The following DENND5A variants were observed in gnomAD, a reference collection of about 807,000 sequenced individuals.
DENND5A encodes DENN domain containing 5A.
In DENND5A, 64 loss-of-function variants were observed where a neutral mutation model predicts 140.3. The ratio of observed to expected loss-of-function variants is 0.46; its 90% CI spans 0.37 to 0.56. The LOEUF (loss-of-function observed/expected upper bound fraction) is 0.56, where lower values mean the gene tolerates loss of function less well. Ranked by LOEUF, DENND5A falls within the 20% of genes least tolerant of loss-of-function variation. The pLI is 0.00. For synonymous variants in DENND5A, 605 were observed against 607.7 expected (o/e 1.00, Z 0.07); for missense variants, 1,292 against 1,593.8 (o/e 0.81, Z 3.22).
rs554929225 is a variant in DENND5A, at chr11:9,247,562, GA to G, written c.109+17398del. On this transcript the variant is annotated intron_variant, in intron 1 of 22. Transcript: ENST00000328194. ...AACAAGGAGAGAGACACCTAGTGAA[GA>G]AAAAAAAAAACAAGCTCTAAAATAT... Among the ~76,000 whole-genome samples, 341 of 143,320 alleles carry G rather than the reference GA, an allele frequency of 2.4e-3. 1 individual carries two copies. Among genetic ancestry groups the G allele is most frequent in the Non-Finnish European group, 3.6e-3 (236 of 65,058 alleles). The allele number at this position is 143,320 out of a possible 152,430, so 94.0% of individuals were successfully genotyped here.
At chr11:9,220,410 G>A (rs1850263361) in intron 1 of DENND5A, among the ~76,000 whole-genome samples, 1 of 152,002 alleles carries the variant, frequency 6.6e-6, no homozygotes, top group Non-Finnish European at 1.5e-5. Flanking sequence ...AGCCGGGCGT[G>A]GTGGCACATG....
Position 9,139,088 on chromosome 11 carries a change from C to A in DENND5A, c.*583G>T, listed in dbSNP as rs1161224091. ...CCAACAGGAAATGTGGTATTTGGCACGATGACACATCCCGGCATGTCTCCT... is the reference window on the plus strand; with the variant it reads ...CCAACAGGAAATGTGGTATTTGGCAAGATGACACATCCCGGCATGTCTCCT... On this transcript the variant is annotated 3_prime_UTR_variant, in exon 23 of 23. Coordinates refer to ENST00000328194, the MANE Select transcript of DENND5A (RefSeq NM_015213.4). 2 of 152,626 alleles carry A rather than the reference C, an allele frequency of 1.3e-5. No homozygotes were observed. Among genetic ancestry groups the A allele is most frequent in the Non-Finnish European group, 2.9e-5 (2 of 68,048 alleles). 9.5% of individuals were successfully genotyped at this position (152,626 alleles called of 1,614,324 possible).
At chr11:9,152,757 A>G (rs1847663015) in intron 12 of DENND5A, among the ~76,000 whole-genome samples, 1 of 151,974 alleles carries the variant, frequency 6.6e-6, no homozygotes, top group Admixed American at 6.6e-5. Context: ...TAATCCCAAC[A>G]CTTCAGGAAG....
At chr11:9,241,950 G>T (rs1213078698) in intron 1 of DENND5A, among the ~76,000 whole-genome samples, 1 of 149,858 alleles carries the variant, frequency 6.7e-6, no homozygotes, top group East Asian at 2.0e-4. Context: ...GGAGGTGGAG[G>T]TTGTGGTGAG....
At chr11:9,174,363 CT>C (rs1848481495) in intron 8 of DENND5A, among the ~76,000 whole-genome samples, 1 of 151,652 alleles carries the variant, frequency 6.6e-6, no homozygotes, top group Non-Finnish European at 1.5e-5. Context: ...AATAAATACC[CT>C]TTAAATATAA....
chr11:9,250,502 T>C (rs769770899), intron 1 of DENND5A, among the ~76,000 whole-genome samples: 3 of 152,118 alleles, frequency 2.0e-5, no homozygotes, highest in African/African-American at 4.8e-5. Flanking sequence ...TCAACGATTA[T>C]GCCACTGCTT....
At chr11:9,215,395 A>T (rs1419860052) in intron 1 of DENND5A, among the ~76,000 whole-genome samples, 1 of 152,150 alleles carries the variant, frequency 6.6e-6, no homozygotes, top group African/African-American at 2.4e-5. Context: ...ACTTTTGTTC[A>T]CATTGCCTTC....
intron 15 of DENND5A, 148 bp from the exon 16 acceptor site, chr11:9,147,299 G>C (rs1296906817): frequency 2.5e-6 from 2 of 785,962 alleles, no homozygotes; most frequent in Non-Finnish European, 4.0e-6. Flanking sequence ...AACAAAGCTA[G>C]CTACTCTAAC....
chr11:9,150,658 T>C, intron 14 of DENND5A, 22 bp downstream of exon 14: 3 of 1,571,146 alleles, frequency 1.9e-6, no homozygotes, highest in Non-Finnish European at 2.6e-6. Context: ...TAGTGGCTTA[T>C]TACATGTGAG....
chr11:9,247,929 G>T (rs932483876), intron 1 of DENND5A, among the ~76,000 whole-genome samples: 2 of 152,066 alleles, frequency 1.3e-5, no homozygotes, highest in Non-Finnish European at 2.9e-5. Context: ...TTCCTTCAGG[G>T]TCTGCTATGT....
At chr11:9,152,914 C>T (rs1847669632) in intron 12 of DENND5A, among the ~76,000 whole-genome samples, 1 of 151,582 alleles carries the variant, frequency 6.6e-6, no homozygotes. Context: ...AGGAGAATCA[C>T]TTGAACCCGG....
At chr11:9,238,453 GCT>G (rs1851094430) in intron 1 of DENND5A, among the ~76,000 whole-genome samples, 1 of 150,216 alleles carries the variant, frequency 6.7e-6, no homozygotes, top group Non-Finnish European at 1.5e-5. Flanking sequence ...ATGCAGTCGC[GCT>G]CTGTCACCTA....
intron 1 of DENND5A, among the ~76,000 whole-genome samples, chr11:9,220,847 C>T (rs59618374): frequency 0.041 from 6,114 of 149,698 alleles, 406 homozygotes; most frequent in African/African-American, 0.14. Context: ...AAGCTGAGAT[C>T]GCACCACTGC....
intron 1 of DENND5A, among the ~76,000 whole-genome samples, chr11:9,256,017 C>T (rs1851930512): frequency 7.0e-6 from 1 of 142,878 alleles, no homozygotes. Flanking sequence ...CACGGCGAAA[C>T]TCCATCTCAA....
At chr11:9,143,109 A>C in intron 20 of DENND5A, 1 of 590,238 alleles carries the variant, frequency 1.7e-6, no homozygotes, top group South Asian at 2.2e-5. Context: ...CAGTGTGGCC[A>C]CTATTCAAGG....
chr11:9,259,785 T>C (rs1320026164), intron 1 of DENND5A, among the ~76,000 whole-genome samples: 3 of 152,026 alleles, frequency 2.0e-5, no homozygotes, highest in African/African-American at 4.8e-5. Context: ...TCCCAATACT[T>C]TGGGAGGCCA....
intron 10 of DENND5A, among the ~76,000 whole-genome samples, chr11:9,169,187 C>CTA (rs1848285086): frequency 6.6e-6 from 1 of 152,140 alleles, no homozygotes; most frequent in Non-Finnish European, 1.5e-5. Context: ...TAGCTCACAC[C>CTA]TATAATCCCA....
At chr11:9,222,585 A>G (rs1004623770) in intron 1 of DENND5A, among the ~76,000 whole-genome samples, 28 of 152,218 alleles carry the variant, frequency 1.8e-4, no homozygotes, top group African/African-American at 5.1e-4. Context: ...AAATTAGAGG[A>G]ACTTCAGGTC....
At position 9,181,014 on chromosome 11, in the gene DENND5A, T is replaced by C; in HGVS notation, c.1208A>G (p.Asn403Ser). ...GACTTCCTGGACAAACTCCAATTTG[T>C]TGGGGAACTGTGGCAAGTCCTCTGG... ...ELPEDLPQFP[N>S]KLEFVQEVSE... Residue 403 changes from asparagine (N) to serine (S), a missense_variant, in exon 6 of 23, where the codon AAC (asparagine) becomes AGC (serine). Asn to Ser is a conservative substitution (Grantham distance 46). Coordinates refer to ENST00000328194, the MANE Select transcript of DENND5A (RefSeq NM_015213.4). 2.5e-6 allele frequency: 4 copies of C among 1,614,178 alleles called. No homozygotes were observed. The highest frequency in any genetic ancestry group is 3.4e-6 in the Non-Finnish European group (4 of 1,180,036).
Sources: allele counts gnomAD v4.1 joint callset (sites outside exome capture counted in the v4.1 genomes callset), GRCh38; gene constraint gnomAD v4.1.1; transcripts MANE v1.5; gene names NCBI Gene and HGNC (gene_info 2026-07-23, HGNC 2026-07-21).